Variants in CNTN4 observed in about 807,000 individuals in gnomAD.
The protein encoded by CNTN4 is contactin 4.
A neutral mutation model predicts 122.5 loss-of-function variants in CNTN4; 77 were observed. The observed-to-expected ratio is 0.63, with a 90% confidence interval of 0.52 to 0.76. The LOEUF (loss-of-function observed/expected upper bound fraction) is 0.76, where lower values mean the gene tolerates loss of function less well. CNTN4 is among the 30% of genes least tolerant of loss of function. The probability of loss-of-function intolerance (pLI) is 0.00; values close to 1 mark genes in which losing one functional copy is unlikely to be tolerated. For synonymous variants in CNTN4, 512 were observed against 447.0 expected, an observed-to-expected ratio of 1.15 and a Z score of -1.83; for missense variants, 1,256 against 1,259.1, an observed-to-expected ratio of 1.00 and a Z score of 0.04.
chr3:2,818,233 C>G (rs146170093), intron 6 of CNTN4, among the ~76,000 whole-genome samples: 1 of 152,196 alleles, frequency 6.6e-6, no homozygotes, highest in Non-Finnish European at 1.5e-5. Flanking sequence ...AATGTACAAA[C>G]TTAAAATGTC....
intron 13 of CNTN4, among the ~76,000 whole-genome samples, chr3:2,935,489 G>C (rs567971690): frequency 2.0e-5 from 3 of 152,220 alleles, no homozygotes; most frequent in African/African-American, 7.2e-5. Flanking sequence ...ATTGGAACCA[G>C]CCCTCACCCA....
At chr3:2,954,705 T>G (rs1187790045) in intron 13 of CNTN4, among the ~76,000 whole-genome samples, 1 of 152,092 alleles carries the variant, frequency 6.6e-6, no homozygotes, top group Non-Finnish European at 1.5e-5. Context: ...AATCTTGCAA[T>G]GCAATAACCT....
intron 3 of CNTN4, among the ~76,000 whole-genome samples, chr3:2,424,606 G>T (rs879553150): frequency 1.3e-5 from 2 of 152,126 alleles, no homozygotes; most frequent in African/African-American, 4.8e-5. Flanking sequence ...GGATCAAATG[G>T]TATTTCTAGT....
At chr3:2,664,831 TA>T (rs2084069790) in intron 4 of CNTN4, among the ~76,000 whole-genome samples, 1 of 152,196 alleles carries the variant, frequency 6.6e-6, no homozygotes, top group Admixed American at 6.5e-5. Flanking sequence ...TTTAAAGTAA[TA>T]GAATGCGATG....
chr3:2,668,277 G>GT (rs200379462), intron 4 of CNTN4, among the ~76,000 whole-genome samples: 9,734 of 152,124 alleles, frequency 0.064, 494 homozygotes, highest in African/African-American at 0.14. Context: ...TTGAGCAGTG[G>GT]TTTGTAGTTC....
chr3:2,160,080 G>C (rs191567945), intron 2 of CNTN4, among the ~76,000 whole-genome samples: 65 of 152,138 alleles, frequency 4.3e-4, no homozygotes, highest in Admixed American at 2.7e-3. Flanking sequence ...TAAATGCATA[G>C]TTTCCTAATT....
At chr3:2,757,672 A>G (rs975287660) in intron 6 of CNTN4, among the ~76,000 whole-genome samples, 5 of 152,144 alleles carry the variant, frequency 3.3e-5, no homozygotes, top group Non-Finnish European at 5.9e-5. Flanking sequence ...GCTGTCATGT[A>G]TTTTATGCAC....
intron 3 of CNTN4, among the ~76,000 whole-genome samples, chr3:2,537,081 G>A (rs532574226): frequency 2.0e-5 from 3 of 152,154 alleles, no homozygotes; most frequent in South Asian, 2.1e-4. Flanking sequence ...TGCAGTATAC[G>A]AAAAGATGCA....
At chr3:2,175,247 C>T (rs2036699235) in intron 2 of CNTN4, among the ~76,000 whole-genome samples, 1 of 150,920 alleles carries the variant, frequency 6.6e-6, no homozygotes, top group South Asian at 2.1e-4. Flanking sequence ...CTGCCGATAG[C>T]TTGCCTTTTC....
Position 2,265,191 on chromosome 3 carries a change from T to G in CNTN4, c.-144-73987T>G, listed in dbSNP as rs368296073. ...CCAGATTGCTGTGAATGCAATTATT[T>G]CGTTCCTTTTTATGGTTAAGTAGTA... On this transcript the variant is annotated intron_variant, in intron 2 of 24. Transcript: ENST00000418658. 8.9e-5 allele frequency among the ~76,000 whole-genome samples: 10 copies of G among 112,840 alleles called. No individual in the cohort carries two copies. In the East Asian group the frequency reaches 2.5e-3, roughly 29 times the overall value. 74.0% of individuals were successfully genotyped at this position (112,840 alleles called of 152,430 possible).
intron 4 of CNTN4, among the ~76,000 whole-genome samples, chr3:2,701,755 T>C (rs551518809): frequency 6.6e-6 from 1 of 152,286 alleles, no homozygotes; most frequent in East Asian, 1.9e-4. Context: ...CATCTTGTGA[T>C]TTCTCTTTCA....
chr3:2,887,140 C>A lies in CNTN4; in HGVS notation c.856C>A (p.Gln286Lys), dbSNP rs2093988209. Residue 286 changes from glutamine to lysine, a missense_variant, in exon 10 of 25, where the codon CAG becomes AAG. By Grantham distance (53) the Gln-to-Lys change is moderately conservative. Transcript: ENST00000418658. Reference sequence around the variant, plus strand: ...TGGAATTCTTGAGATCCCTAATTTTCAGCAGGAGGATGCTGGTTTATATGA... The same window carrying A: ...TGGAATTCTTGAGATCCCTAATTTTAAGCAGGAGGATGCTGGTTTATATGA... Reference protein sequence around the residue: ...SNGILEIPNFQQEDAGLYECV... With the variant: ...SNGILEIPNFKQEDAGLYECV... 2.5e-6 allele frequency: 4 copies of A among 1,614,114 alleles called. No individual in the cohort carries two copies. In the East Asian group the frequency reaches 8.9e-5, roughly 36 times the overall value.
intron 3 of CNTN4, among the ~76,000 whole-genome samples, chr3:2,528,045 C>A (rs907294918): frequency 1.3e-5 from 2 of 152,100 alleles, no homozygotes; most frequent in African/African-American, 4.8e-5. Flanking sequence ...AGTGTACTTT[C>A]AAGTTGTCAC....
intron 4 of CNTN4, among the ~76,000 whole-genome samples, chr3:2,679,641 T>C (rs182693149): frequency 6.9e-4 from 105 of 152,318 alleles, no homozygotes; most frequent in Non-Finnish European, 1.1e-3. Flanking sequence ...GCAGGTCATC[T>C]GGTTGGATGA....
chr3:2,691,662 A>C (rs933925031), intron 4 of CNTN4, among the ~76,000 whole-genome samples: 2 of 152,176 alleles, frequency 1.3e-5, no homozygotes, highest in African/African-American at 4.8e-5. Flanking sequence ...CCTCAGGGGA[A>C]TATAGTAATT....
intron 6 of CNTN4, among the ~76,000 whole-genome samples, chr3:2,778,013 G>GAC (rs376480290): frequency 6.6e-6 from 1 of 151,650 alleles, no homozygotes; most frequent in Non-Finnish European, 1.5e-5. Flanking sequence ...AGGAGATCGA[G>GAC]GCCATCCTGG....
chr3:2,185,345 C>T (rs2037201715), intron 2 of CNTN4, among the ~76,000 whole-genome samples: 1 of 152,102 alleles, frequency 6.6e-6, no homozygotes, highest in African/African-American at 2.4e-5. Flanking sequence ...GTGTAAAGTC[C>T]CCAACCCTAT....
intron 7 of CNTN4, among the ~76,000 whole-genome samples, chr3:2,855,371 T>A (rs1283915701): frequency 1.3e-5 from 2 of 152,232 alleles, no homozygotes; most frequent in Admixed American, 6.5e-5. Context: ...GAATAGCTTA[T>A]GTAATTTTCT....
chr3:2,850,731 TTACC>T (rs2093535887), intron 7 of CNTN4, among the ~76,000 whole-genome samples: 1 of 152,224 alleles, frequency 6.6e-6, no homozygotes, highest in Admixed American at 6.5e-5. Flanking sequence ...AGAAAAGTCA[TTACC>T]TATGCGAACC....
Sources: allele counts gnomAD v4.1 joint callset (sites outside exome capture counted in the v4.1 genomes callset), GRCh38; gene constraint gnomAD v4.1.1; transcripts MANE v1.5; gene names NCBI Gene and HGNC (gene_info 2026-07-23, HGNC 2026-07-21).